DENND1A: variants seen among roughly 807,000 people sequenced by gnomAD.
The protein encoded by DENND1A is DENN domain-containing protein 1A.
Under a neutral mutation model 113.7 loss-of-function variants are expected in DENND1A, and 51 were observed. The observed-to-expected ratio is 0.45, with a 90% CI of 0.36 to 0.57. The LOEUF (loss-of-function observed/expected upper bound fraction) is 0.57. Among genes scored for constraint, DENND1A ranks in the 20% least tolerant of loss-of-function variants. The pLI is 0.00. For synonymous variants in DENND1A, 565 were observed against 570.8 expected (o/e 0.99, Z 0.14); for missense variants, 1,258 against 1,395.9 (o/e 0.90, Z 1.57).
At chr9:123,526,264 C>G (rs2054834923) in intron 13 of DENND1A, among the ~76,000 whole-genome samples, 1 of 152,124 alleles carries the variant, frequency 6.6e-6, no homozygotes, top group South Asian at 2.1e-4. Context: ...TGGATCTGGT[C>G]TCTTCTGGCT....
chr9:123,703,837 A>AG (rs1248486397), intron 5 of DENND1A, among the ~76,000 whole-genome samples: 1 of 152,178 alleles, frequency 6.6e-6, no homozygotes, highest in East Asian at 1.9e-4. Context: ...AAAGGGGCAC[A>AG]GAGAACTTTT....
chr9:123,895,208 ATAG>A (rs1850538016), intron 1 of DENND1A, among the ~76,000 whole-genome samples: 1 of 152,166 alleles, frequency 6.6e-6, no homozygotes, highest in African/African-American at 2.4e-5. Flanking sequence ...TGCTGGGACC[ATAG>A]CTGCATGCCA....
intron 13 of DENND1A, among the ~76,000 whole-genome samples, chr9:123,542,230 G>A (rs903749222): frequency 6.6e-6 from 1 of 152,124 alleles, no homozygotes; most frequent in Non-Finnish European, 1.5e-5. Context: ...ATAGAAACCA[G>A]CCAGACACAT....
At chr9:123,598,215 G>A (rs993886185) in intron 11 of DENND1A, among the ~76,000 whole-genome samples, 1 of 152,150 alleles carries the variant, frequency 6.6e-6, no homozygotes, top group African/African-American at 2.4e-5. Context: ...ATCACCAGCA[G>A]CTGCTGCTAA....
chr9:123,453,131 G>A (rs573743985), intron 16 of DENND1A, among the ~76,000 whole-genome samples: 28 of 152,198 alleles, frequency 1.8e-4, no homozygotes, highest in Non-Finnish European at 3.1e-4. Flanking sequence ...CTGCAGACAC[G>A]TCGTGAGGGT....
intron 2 of DENND1A, among the ~76,000 whole-genome samples, chr9:123,861,072 G>C (rs1844990748): frequency 6.6e-6 from 1 of 152,158 alleles, no homozygotes; most frequent in South Asian, 2.1e-4. Context: ...GTAAGAGTCA[G>C]ACCACATTCT....
chr9:123,470,591 C>T (rs1044447581), intron 13 of DENND1A, among the ~76,000 whole-genome samples: 2 of 152,146 alleles, frequency 1.3e-5, no homozygotes, highest in Non-Finnish European at 2.9e-5. Flanking sequence ...AGCCGCAGAA[C>T]CCATGTAGCT....
Position 123,792,692 on chromosome 9 carries a change from A to G in DENND1A, c.89-62T>C, listed in dbSNP as rs1400221646. 1.9e-6 allele frequency: 3 copies of G among 1,569,936 alleles called. No individual in the cohort carries two copies. The East Asian group carries it at 6.8e-5, about 35-fold the overall frequency. On this transcript the variant is annotated intron_variant, in intron 2 of 23. Coordinates refer to ENST00000394215, the MANE Select transcript of DENND1A (RefSeq NM_001352964.2). ...GATTAGTGAGCAAGCAGAGGATCAC[A>G]CATTAATATTTGATCAGAAGATGAT...
intron 10 of DENND1A, among the ~76,000 whole-genome samples, chr9:123,623,140 TA>T (rs900219644): frequency 4.0e-4 from 60 of 149,100 alleles, no homozygotes; most frequent in East Asian, 7.8e-4. Context: ...TCAAGTTAAA[TA>T]AAAAAAAAAT....
intron 13 of DENND1A, among the ~76,000 whole-genome samples, chr9:123,512,711 G>A (rs905242088): frequency 9.8e-5 from 15 of 152,314 alleles, no homozygotes; most frequent in Middle Eastern, 3.4e-3. Flanking sequence ...TTGGCTGGCC[G>A]CCTTAAAGAA....
At chr9:123,521,172 C>T (rs960834339) in intron 13 of DENND1A, among the ~76,000 whole-genome samples, 1 of 152,202 alleles carries the variant, frequency 6.6e-6, no homozygotes, top group Non-Finnish European at 1.5e-5. Context: ...CCATGCTACG[C>T]TTCTGCCTTT....
chr9:123,449,398 G>A (rs1049987646), intron 18 of DENND1A, among the ~76,000 whole-genome samples: 7 of 152,068 alleles, frequency 4.6e-5, no homozygotes, highest in Non-Finnish European at 5.9e-5. Flanking sequence ...AGCCAGATGT[G>A]GTAGCACGTG....
chr9:123,493,457 G>A (rs776965950), intron 13 of DENND1A, among the ~76,000 whole-genome samples: 10 of 152,190 alleles, frequency 6.6e-5, no homozygotes, highest in Admixed American at 2.0e-4. Context: ...ACTTGGAGGG[G>A]TGGGAACTGC....
At chr9:123,678,279 G>A (rs1345368257) in intron 5 of DENND1A, among the ~76,000 whole-genome samples, 1 of 152,202 alleles carries the variant, frequency 6.6e-6, no homozygotes, top group Admixed American at 6.5e-5. Flanking sequence ...CGTTTACTGA[G>A]CAAATAAAGC....
intron 13 of DENND1A, among the ~76,000 whole-genome samples, chr9:123,519,294 A>G (rs1201371734): frequency 6.6e-6 from 1 of 152,126 alleles, no homozygotes; most frequent in Non-Finnish European, 1.5e-5. Context: ...GTCTCCAGTC[A>G]CTATTGTTGG....
intron 13 of DENND1A, among the ~76,000 whole-genome samples, chr9:123,493,326 G>C (rs1348027369): frequency 2.0e-5 from 3 of 152,084 alleles, no homozygotes; most frequent in Non-Finnish European, 2.9e-5. Flanking sequence ...GGGGAGACTT[G>C]GTTTCTTTGT....
intron 13 of DENND1A, among the ~76,000 whole-genome samples, chr9:123,461,328 G>C (rs1428272049): frequency 6.6e-6 from 1 of 152,192 alleles, no homozygotes; most frequent in Non-Finnish European, 1.5e-5. Flanking sequence ...GTACGCCCCA[G>C]GAAGAGCCCA....
chr9:123,816,029 C>T (rs1336588620), intron 2 of DENND1A, among the ~76,000 whole-genome samples: 3 of 117,902 alleles, frequency 2.5e-5, no homozygotes, highest in African/African-American at 1.0e-4. Flanking sequence ...GAGACAGTGT[C>T]TCACTGTGTC....
chr9:123,898,063 G>T (rs961006620), intron 1 of DENND1A, among the ~76,000 whole-genome samples: 3 of 151,500 alleles, frequency 2.0e-5, no homozygotes, highest in Non-Finnish European at 4.4e-5. Flanking sequence ...CTGTATCCTT[G>T]AGCAATCCTC....
Sources: gnomAD v4.1 joint callset for allele counts (sites outside exome capture counted in the v4.1 genomes callset) on GRCh38, gnomAD v4.1.1 for gene constraint, MANE v1.5 for transcripts, NCBI Gene and HGNC (gene_info 2026-07-23, HGNC 2026-07-21) for gene names.